The following GGPS1 variants were observed in gnomAD, a reference collection of about 807,000 sequenced individuals.
GGPS1 encodes geranylgeranyl pyrophosphate synthase.
In GGPS1, 15 loss-of-function variants were observed where a neutral mutation model predicts 28.1. The observed-to-expected ratio is 0.53, with a 90% confidence interval of 0.36 to 0.82. GGPS1 has a LOEUF of 0.82. Ranked by LOEUF, GGPS1 falls within the 40% of genes least tolerant of loss-of-function variation. GGPS1 has a pLI of 0.01. For synonymous variants in GGPS1, 138 were observed against 122.4 expected (o/e 1.13, Z -0.84); for missense variants, 284 against 348.3 (o/e 0.82, Z 1.47).
intron 2 of GGPS1, chr1:235,336,728 T>C (rs1380217475): frequency 6.6e-6 from 1 of 152,230 alleles, no homozygotes; most frequent in Non-Finnish European, 1.5e-5. Flanking sequence ...ACTCTAATGA[T>C]GCTCTCAATT....
chr1:235,339,037 C>T (rs747008332), intron 2 of GGPS1, among the ~76,000 whole-genome samples: 5 of 151,914 alleles, frequency 3.3e-5, no homozygotes, highest in Admixed American at 2.6e-4. Context: ...CGGTAGCTCA[C>T]GCATGTAATC....
intron 2 of GGPS1, among the ~76,000 whole-genome samples, chr1:235,335,896 TATGTC>T (rs1269619747): frequency 6.6e-6 from 1 of 152,250 alleles, no homozygotes; most frequent in Admixed American, 6.5e-5. Flanking sequence ...GTTTACCTTC[TATGTC>T]TGTATTTTCC....
chr1:235,333,618 A>G (rs536164107), intron 1 of GGPS1, among the ~76,000 whole-genome samples: 2 of 152,188 alleles, frequency 1.3e-5, no homozygotes, highest in African/African-American at 4.8e-5. Context: ...CACAAAGTAC[A>G]TGAACTGAAC....
chr1:235,335,922 A>T (rs549222365), intron 2 of GGPS1, among the ~76,000 whole-genome samples: 139 of 152,356 alleles, frequency 9.1e-4, no homozygotes, highest in African/African-American at 3.2e-3. Flanking sequence ...AGTATCTCAC[A>T]CATACACTGC....
chr1:235,339,941 A>G (rs2789370), intron 2 of GGPS1, among the ~76,000 whole-genome samples: 42,186 of 151,832 alleles, frequency 0.28, 6,872 homozygotes, highest in South Asian at 0.52. Context: ...TGTGACTACA[A>G]TGACTTCTAG....
Position 235,344,475 on chromosome 1 carries a change from T to A in GGPS1, c.*1703T>A, listed in dbSNP as rs989569367. ...AACCCATACTTTTAAAAAGCATTTTTAAAAATCTAACACTGACTATAGAAA... is the reference window on the plus strand; with the variant it reads ...AACCCATACTTTTAAAAAGCATTTTAAAAAATCTAACACTGACTATAGAAA... On this transcript the variant is annotated 3_prime_UTR_variant, in exon 4 of 4. Coordinates refer to ENST00000282841, the MANE Select transcript of GGPS1 (RefSeq NM_004837.4). The A allele has an allele frequency of 4.8e-5, 8 of 167,138 alleles. No individual in the cohort carries two copies. In the East Asian group the frequency reaches 9.6e-4, roughly 20 times the overall value. 10.4% of individuals were successfully genotyped at this position (167,138 alleles called of 1,614,324 possible).
intron 1 of GGPS1, among the ~76,000 whole-genome samples, chr1:235,334,176 G>T (rs1045067019): frequency 6.6e-6 from 1 of 151,622 alleles, no homozygotes; most frequent in Non-Finnish European, 1.5e-5. Context: ...CTAGGGGGAC[G>T]AGGAGAATCC....
At chr1:235,341,171 T>C (rs1261144783) in intron 2 of GGPS1, among the ~76,000 whole-genome samples, 3 of 151,800 alleles carry the variant, frequency 2.0e-5, no homozygotes, top group African/African-American at 7.3e-5. Context: ...TTCTATAAAA[T>C]ATACAAAAAT....
chr1:235,335,302 T>C lies in GGPS1; in HGVS notation c.38T>C (p.Leu13Pro), dbSNP rs756527310. Residue 13 changes from leucine to proline, a missense_variant, in exon 2 of 4, where the codon CTA (leucine) becomes CCA (proline). Coordinates refer to ENST00000282841, the MANE Select transcript of GGPS1 (RefSeq NM_004837.4). ...CAAGAAACAGTCCAAAGAATTCTTCTAGAACCCTATAAATACTTACTTCAG... is the reference window on the plus strand; with the variant it reads ...CAAGAAACAGTCCAAAGAATTCTTCCAGAACCCTATAAATACTTACTTCAG... Reference protein sequence around the residue: ...KTQETVQRILLEPYKYLLQLP... With the variant: ...KTQETVQRILPEPYKYLLQLP... The C allele has an allele frequency of 5.8e-6, 9 of 1,555,454 alleles. No homozygotes were observed. The highest frequency in any genetic ancestry group is 8.0e-6 in the Non-Finnish European group (9 of 1,128,140).
intron 1 of GGPS1, among the ~76,000 whole-genome samples, 162 bp from the exon 2 acceptor site, chr1:235,335,080 G>T (rs1675825516): frequency 6.6e-6 from 1 of 152,212 alleles, no homozygotes; most frequent in Non-Finnish European, 1.5e-5. Context: ...CTCCCAAAGT[G>T]CTGGGATTAC....
intron 1 of GGPS1, chr1:235,329,231 T>G (rs3806393): frequency 0.45 from 69,101 of 152,114 alleles, 15,999 homozygotes; most frequent in South Asian, 0.59. Context: ...TTGAAAAGTC[T>G]TTTGCATGGG....
At chr1:235,341,479 G>C (rs1676044882) in intron 2 of GGPS1, among the ~76,000 whole-genome samples, 1 of 152,158 alleles carries the variant, frequency 6.6e-6, no homozygotes, top group African/African-American at 2.4e-5. Flanking sequence ...AGTCTCCCGT[G>C]CCTGCCCTAA....
chr1:235,344,012 G>T lies in GGPS1; in HGVS notation c.*1240G>T, dbSNP rs994093235. The T allele has an allele frequency of 1.4e-4, 23 of 166,938 alleles. No homozygotes were observed. Among genetic ancestry groups the T allele is most frequent in the African/African-American group, 5.1e-4 (21 of 41,382 alleles). 10.3% of individuals were successfully genotyped at this position (166,938 alleles called of 1,614,324 possible). A position where few individuals can be genotyped will look rare whatever the true frequency, so the allele number is the denominator to read the frequency against. On this transcript the variant is annotated 3_prime_UTR_variant, in exon 4 of 4. Coordinates refer to ENST00000282841, the MANE Select transcript of GGPS1 (RefSeq NM_004837.4). ...ATTAAAGGAAAGTGTTAGCCTGAGA[G>T]GGCCTGACTGAAAAGTAACCAAAGG...
rs531702091 is a variant in GGPS1 at position 235,334,062 on chromosome 1, C to T, written c.-23-1180C>T. Among the ~76,000 whole-genome samples the T allele has an allele frequency of 1.3e-4, 20 of 152,200 alleles. 1 individual carries two copies. In the South Asian group the frequency reaches 4.1e-3, roughly 32 times the overall value. ...TATTCTAGGAAATACTGAAATAAGA[C>T]AGATTTCAGTATAAAGGGGAATATG... On this transcript the variant is annotated intron_variant, in intron 1 of 3. Coordinates refer to ENST00000282841, the MANE Select transcript of GGPS1 (RefSeq NM_004837.4).
At chr1:235,332,565 G>A (rs1020350446) in intron 1 of GGPS1, among the ~76,000 whole-genome samples, 6 of 152,134 alleles carry the variant, frequency 3.9e-5, no homozygotes, top group African/African-American at 1.4e-4. Context: ...TTTGTGGCAC[G>A]TTGTTGGTAT....
rs140732426 is a variant in GGPS1, at chr1:235,342,127, A to G, written c.258A>G (p.Pro86=). 18 of 1,614,026 alleles carry G rather than the reference A, an allele frequency of 1.1e-5. No homozygotes were observed. Among genetic ancestry groups the G allele is most frequent in the East Asian group, 2.2e-5 (1 of 44,892 alleles). Reference sequence around the variant, plus strand: ...TGGCCCACAGCATCTATGGAATCCCATCTGTCATCAATTCTGCCAATTACG... The same window carrying G: ...TGGCCCACAGCATCTATGGAATCCCGTCTGTCATCAATTCTGCCAATTACG... ...FPVAHSIYGI[P]SVINSANYVY... Residue 86 remains proline, a synonymous_variant, in exon 4 of 4, where the codon CCA becomes CCG. Transcript: ENST00000282841.
At chr1:235,332,688 A>T (rs994005616) in intron 1 of GGPS1, among the ~76,000 whole-genome samples, 2 of 152,198 alleles carry the variant, frequency 1.3e-5, no homozygotes, top group African/African-American at 2.4e-5. Flanking sequence ...ATATAAATCC[A>T]CAAAAGTCAG....
Position 235,342,837 on chromosome 1 carries a change from C to T in GGPS1, c.*65C>T, listed in dbSNP as rs1473951063. ...GTTAATCTTTTTTTTGTCTTTTAGC[C>T]TTACCACCTTTTAAAAAATTTGTTA... On this transcript the variant is annotated 3_prime_UTR_variant, in exon 4 of 4. Transcript: ENST00000282841. The T allele has an allele frequency of 6.1e-6, 7 of 1,144,308 alleles. No individual in the cohort carries two copies. Among genetic ancestry groups the T allele is most frequent in the Non-Finnish European group, 8.7e-6 (7 of 804,480 alleles). 70.9% of individuals were successfully genotyped at this position (1,144,308 alleles called of 1,614,324 possible).
rs758315333 is a variant in GGPS1 at position 235,342,395 on chromosome 1, C to A, written c.526C>A (p.Leu176Ile). 2.5e-6 allele frequency: 4 copies of A among 1,614,012 alleles called. No individual in the cohort carries two copies. The highest frequency in any genetic ancestry group is 1.1e-5 in the South Asian group (1 of 91,072). Residue 176 changes from leucine (L) to isoleucine (I), a missense_variant, in exon 4 of 4, where the codon CTA becomes ATA. Leu to Ile is a conservative substitution (Grantham distance 5). Transcript: ENST00000282841. ...TGATTACAAAGAAGATTTAAAACCGCTACTTAATACACTTGGGCTCTTTTT... is the reference window on the plus strand; with the variant it reads ...TGATTACAAAGAAGATTTAAAACCGATACTTAATACACTTGGGCTCTTTTT... Reference protein sequence around the residue: ...FSDYKEDLKPLLNTLGLFFQI... With the variant: ...FSDYKEDLKPILNTLGLFFQI...
Sources: gnomAD v4.1 joint callset for allele counts (sites outside exome capture counted in the v4.1 genomes callset) on GRCh38, gnomAD v4.1.1 for gene constraint, MANE v1.5 for transcripts, NCBI Gene and HGNC (gene_info 2026-07-23, HGNC 2026-07-21) for gene names.